The following DYDC1 variants were observed in gnomAD, a reference collection of about 807,000 sequenced individuals.
DYDC1 encodes the protein DPY30 domain-containing protein 1.
DYDC1 carries 21 observed loss-of-function variants against 27.9 expected under a neutral mutation model. The ratio of observed to expected loss-of-function variants is 0.75; its 90% confidence interval spans 0.53 to 1.08. The LOEUF is 1.08. Among genes scored for constraint, DYDC1 ranks in the 50% least tolerant of loss-of-function variants. The pLI is 0.00. For synonymous variants in DYDC1, 67 were observed against 65.8 expected (o/e 1.02, Z -0.09); for missense variants, 202 against 205.9 (o/e 0.98, Z 0.12).
At chr10:80,354,956 A>G (rs1001714551) in intron 1 of DYDC1, among the ~76,000 whole-genome samples, 1 of 152,206 alleles carries the variant, frequency 6.6e-6, no homozygotes, top group African/African-American at 2.4e-5. Flanking sequence ...AGAAAGGAAG[A>G]TAAATATTTA....
chr10:80,344,075 C>A (rs1294401522), intron 3 of DYDC1, among the ~76,000 whole-genome samples: 1 of 152,044 alleles, frequency 6.6e-6, no homozygotes, highest in Non-Finnish European at 1.5e-5. Flanking sequence ...GAGATCGCAC[C>A]ACTGCACTCC....
chr10:80,354,857 T>C (rs1356859968), intron 1 of DYDC1, among the ~76,000 whole-genome samples: 1 of 152,186 alleles, frequency 6.6e-6, no homozygotes, highest in East Asian at 1.9e-4. Context: ...TAAATGTGTA[T>C]TGTTTTTAAG....
chr10:80,345,911 G>T (rs1270308734), intron 3 of DYDC1, among the ~76,000 whole-genome samples: 1 of 152,194 alleles, frequency 6.6e-6, no homozygotes. Context: ...AGGTGGGAGT[G>T]CAGTGGCACT....
chr10:80,356,525 C>T (rs1442924817), intron 1 of DYDC1, 187 bp downstream of exon 1: 1 of 985,414 alleles, frequency 1.0e-6, no homozygotes, highest in Non-Finnish European at 1.2e-6. Context: ...GCGCTCCCCG[C>T]TCAGGGGGAG....
chr10:80,344,294 A>T (rs556890835), intron 3 of DYDC1, among the ~76,000 whole-genome samples: 3 of 152,334 alleles, frequency 2.0e-5, no homozygotes, highest in African/African-American at 7.2e-5. Context: ...GTGGCCAAAA[A>T]AAATGTGTCC....
chr10:80,352,114 T>C, intron 2 of DYDC1, 112 bp from the exon 3 acceptor site: 1 of 949,354 alleles, frequency 1.1e-6, no homozygotes, highest in South Asian at 1.5e-5. Context: ...AAGCAAATTA[T>C]AGCCCATCCC....
At chr10:80,353,645 A>G (rs987079040) in intron 1 of DYDC1, among the ~76,000 whole-genome samples, 27 of 150,212 alleles carry the variant, frequency 1.8e-4, no homozygotes. Flanking sequence ...AGGTCAGGAG[A>G]TCGAGACCAT....
At chr10:80,356,191 G>T in intron 1 of DYDC1, 15 of 952,934 alleles carry the variant, frequency 1.6e-5, no homozygotes, top group Non-Finnish European at 1.9e-5. Flanking sequence ...GCATGTTCCT[G>T]TCTGTGAAAC....
chr10:80,356,297 A>C (rs1346046210), intron 1 of DYDC1: 1 of 985,516 alleles, frequency 1.0e-6, no homozygotes, highest in Non-Finnish European at 1.2e-6. Context: ...TTTCCCACAG[A>C]AACAGCTGCC....
intron 4 of DYDC1, among the ~76,000 whole-genome samples, chr10:80,340,563 C>T (rs1319074103): frequency 2.0e-5 from 3 of 152,196 alleles, no homozygotes; most frequent in Non-Finnish European, 2.9e-5. Context: ...GACTTTGAAG[C>T]ACTTTAATGT....
intron 4 of DYDC1, among the ~76,000 whole-genome samples, chr10:80,341,082 T>C (rs565109074): frequency 9.0e-4 from 137 of 152,318 alleles, no homozygotes; most frequent in Middle Eastern, 3.4e-3. Flanking sequence ...TAAAACCTGC[T>C]TCTTTTTTCA....
At chr10:80,337,540 A>G (rs1842174248) in intron 6 of DYDC1, 1 of 566,198 alleles carries the variant, frequency 1.8e-6, no homozygotes, top group Non-Finnish European at 2.2e-6. Context: ...CTCTCATCAT[A>G]TGAGTCTCCA....
chr10:80,351,463 C>T (rs902595447), intron 3 of DYDC1, among the ~76,000 whole-genome samples: 14 of 151,510 alleles, frequency 9.2e-5, no homozygotes, highest in African/African-American at 3.4e-4. Flanking sequence ...CTACATTTTC[C>T]ACCTCCCCTG....
In DYDC1 at chr10:80,356,722, G is replaced by C. The variant is rs1325219033; in HGVS notation, c.-20C>G. The C allele has an allele frequency of 9.1e-6, 9 of 985,104 alleles. No individual in the cohort carries two copies. In the South Asian group the frequency reaches 4.2e-4, roughly 46 times the overall value. 61.0% of individuals were successfully genotyped at this position (985,104 alleles called of 1,614,324 possible). ...TTCCGGTGCGCTCACCCCTACACAC[G>C]CGCCTGCTCGCCACCCAGGAGCGGC... On this transcript the variant is annotated 5_prime_UTR_variant, in exon 1 of 7. Transcript: ENST00000372202.
At chr10:80,350,739 G>A (rs1426022165) in intron 3 of DYDC1, among the ~76,000 whole-genome samples, 1 of 152,126 alleles carries the variant, frequency 6.6e-6, no homozygotes, top group Non-Finnish European at 1.5e-5. Context: ...TCAAGACTCT[G>A]GGGTTAAGTA....
At chr10:80,356,592 C>T in intron 1 of DYDC1, 120 bp downstream of exon 1, 2 of 985,510 alleles carry the variant, frequency 2.0e-6, no homozygotes, top group Non-Finnish European at 2.4e-6. Flanking sequence ...CTCTCTCCGC[C>T]TCAGGTGAGT....
intron 1 of DYDC1, chr10:80,356,249 T>C: frequency 1.0e-6 from 1 of 985,378 alleles, no homozygotes; most frequent in Non-Finnish European, 1.2e-6. Flanking sequence ...ATTTTTCACA[T>C]ACACCAATAG....
chr10:80,354,536 T>C (rs1209468739), intron 1 of DYDC1: 1 of 149,356 alleles, frequency 6.7e-6, no homozygotes. Flanking sequence ...GGCACCATGA[T>C]AGGTACTGGG....
intron 1 of DYDC1, among the ~76,000 whole-genome samples, chr10:80,352,973 C>A (rs1843094617): frequency 6.6e-6 from 1 of 152,106 alleles, no homozygotes; most frequent in Admixed American, 6.5e-5. Flanking sequence ...GGAAGATGAG[C>A]AAGCCCAGGC....
Sources: gnomAD v4.1 joint callset for allele counts (sites outside exome capture counted in the v4.1 genomes callset) on GRCh38, gnomAD v4.1.1 for gene constraint, MANE v1.5 for transcripts, NCBI Gene and HGNC (gene_info 2026-07-23, HGNC 2026-07-21) for gene names.